PTPRD: variants seen among roughly 807,000 people sequenced by gnomAD.
PTPRD encodes receptor-type tyrosine-protein phosphatase delta.
PTPRD carries 34 observed loss-of-function variants against 214.5 expected under a neutral mutation model. The ratio of observed to expected loss-of-function variants is 0.16; its 90% CI spans 0.12 to 0.21. The LOEUF (loss-of-function observed/expected upper bound fraction) is 0.21. Among genes scored for constraint, PTPRD ranks in the 10% least tolerant of loss-of-function variants. PTPRD has a pLI of 1.00. For missense variants in PTPRD, 2,545 were observed against 2,398.7 expected (o/e 1.06, Z -1.27); for synonymous variants, 1,128 against 845.7 (o/e 1.33, Z -5.79).
chr9:8,817,908 C>T (rs751463848), intron 11 of PTPRD, among the ~76,000 whole-genome samples: 15 of 152,090 alleles, frequency 9.9e-5, no homozygotes, highest in Non-Finnish European at 2.1e-4. Flanking sequence ...AAATTTGGAT[C>T]AAATAAAACT....
intron 9 of PTPRD, among the ~76,000 whole-genome samples, chr9:9,293,648 C>T (rs78592215): frequency 9.2e-5 from 14 of 151,608 alleles, no homozygotes; most frequent in African/African-American, 3.4e-4. Flanking sequence ...ACCCCCTTAT[C>T]CTTCTTCAGG....
At chr9:10,288,944 A>G (rs2095445814) in intron 3 of PTPRD, among the ~76,000 whole-genome samples, 1 of 152,162 alleles carries the variant, frequency 6.6e-6, no homozygotes, top group African/African-American at 2.4e-5. Context: ...ATCGGCATCA[A>G]TAAGGCACTC....
At chr9:8,717,535 C>G (rs534934782) in intron 12 of PTPRD, among the ~76,000 whole-genome samples, 28 of 152,274 alleles carry the variant, frequency 1.8e-4, no homozygotes, top group African/African-American at 6.0e-4. Context: ...ACATAGCTGC[C>G]AGTGACCTAT....
At position 8,757,653 on chromosome 9, in the gene PTPRD, TAC is replaced by T. The variant is rs1565836015; in HGVS notation, c.-103-23709_-103-23708del. The stretch of plus-strand genomic sequence containing the variant: ...ATATATATATATATACATACATATA[TAC>T]ATATATATATACATACATATATATA... On this transcript the variant is annotated intron_variant, in intron 11 of 45. Transcript: ENST00000381196. Among the ~76,000 whole-genome samples, 591 of 140,740 alleles carry T rather than the reference TAC, an allele frequency of 4.2e-3. 5 individuals carry two copies. The highest frequency in any genetic ancestry group is 0.01 in the African/African-American group (353 of 34,738). 92.3% of individuals were successfully genotyped at this position (140,740 alleles called of 152,430 possible). A position where few individuals can be genotyped will look rare whatever the true frequency, so the allele number is the denominator to read the frequency against.
intron 8 of PTPRD, among the ~76,000 whole-genome samples, chr9:9,403,435 C>CT (rs55849224): frequency 3.2e-3 from 476 of 150,702 alleles, no homozygotes; most frequent in Non-Finnish European, 4.6e-3. Flanking sequence ...CTCTCTCTCT[C>CT]CAGGAAGCAA....
Position 9,814,945 on chromosome 9 carries a change from G to A in PTPRD, c.-367-48094C>T, listed in dbSNP as rs372676009. Among the ~76,000 whole-genome samples the A allele has an allele frequency of 4.6e-5, 7 of 151,646 alleles. No individual in the cohort carries two copies. In the East Asian group the frequency reaches 5.8e-4, roughly 13 times the overall value. ...CTCTTGAGTAGCTGGGACTACAGGT[G>A]CACGCCACCACACCTGACTAATTTT... On this transcript the variant is annotated intron_variant, in intron 5 of 45. Transcript: ENST00000381196.
At chr9:9,647,530 C>A (rs2096225989) in intron 7 of PTPRD, among the ~76,000 whole-genome samples, 1 of 152,128 alleles carries the variant, frequency 6.6e-6, no homozygotes, top group Admixed American at 6.5e-5. Context: ...ATATGTATTA[C>A]CTATAAGAGA....
chr9:8,382,643 T>G (rs554556554), intron 37 of PTPRD, among the ~76,000 whole-genome samples: 4 of 152,298 alleles, frequency 2.6e-5, no homozygotes, highest in African/African-American at 9.6e-5. Context: ...ACCAAAAGTG[T>G]AGAACTTTCT....
At chr9:9,391,754 G>A (rs1280897147) in intron 9 of PTPRD, among the ~76,000 whole-genome samples, 1 of 152,128 alleles carries the variant, frequency 6.6e-6, no homozygotes, top group Non-Finnish European at 1.5e-5. Context: ...AACATGGGAG[G>A]TGGGCCCTGC....
intron 7 of PTPRD, among the ~76,000 whole-genome samples, chr9:9,675,256 T>C (rs2096906980): frequency 1.3e-5 from 2 of 151,878 alleles, no homozygotes; most frequent in African/African-American, 4.8e-5. Flanking sequence ...AGTTTTTGTT[T>C]GTATCAAAAT....
intron 6 of PTPRD, among the ~76,000 whole-genome samples, chr9:9,746,822 T>G (rs557625758): frequency 2.6e-5 from 4 of 152,120 alleles, no homozygotes; most frequent in South Asian, 2.1e-4. Context: ...AAAGTTTTTT[T>G]TTTTTTTTTT....
chr9:9,593,017 C>G (rs1368827010), intron 7 of PTPRD, among the ~76,000 whole-genome samples: 1 of 149,674 alleles, frequency 6.7e-6, no homozygotes, highest in African/African-American at 2.5e-5. Flanking sequence ...TGCATTCCAG[C>G]CTGGGTGAGA....
chr9:9,140,440 C>CAGATA (rs2099858241), intron 10 of PTPRD, among the ~76,000 whole-genome samples: 3 of 152,138 alleles, frequency 2.0e-5, no homozygotes, highest in Admixed American at 1.3e-4. Context: ...CAGATATAAC[C>CAGATA]TTTGAAAAAT....
intron 33 of PTPRD, among the ~76,000 whole-genome samples, chr9:8,453,396 C>G (rs1014493631): frequency 2.0e-5 from 3 of 151,820 alleles, no homozygotes; most frequent in Admixed American, 2.0e-4. Context: ...GATCTCCTGA[C>G]CTTGTGATCC....
At chr9:9,983,562 T>C (rs142941911) in intron 4 of PTPRD, among the ~76,000 whole-genome samples, 7 of 152,306 alleles carry the variant, frequency 4.6e-5, no homozygotes, top group African/African-American at 1.7e-4. Context: ...ATAGAGCCAT[T>C]AGGCAGCTAT....
chr9:10,479,662 C>CATAAATACATAAATACAT (rs1296695008), intron 2 of PTPRD, among the ~76,000 whole-genome samples: 1 of 52,596 alleles, frequency 1.9e-5, no homozygotes, highest in Admixed American at 2.7e-4. Flanking sequence ...AATAAATAAA[C>CATAAATACATAAATACAT]AAAAATACAA....
intron 4 of PTPRD, among the ~76,000 whole-genome samples, chr9:9,982,008 G>A (rs2095558647): frequency 6.6e-6 from 1 of 152,156 alleles, no homozygotes; most frequent in Admixed American, 6.5e-5. Context: ...ATCAGTAAAT[G>A]AGCAATGATA....
chr9:10,443,935 C>T (rs924783411), intron 2 of PTPRD, among the ~76,000 whole-genome samples: 2 of 151,410 alleles, frequency 1.3e-5, no homozygotes, highest in African/African-American at 4.8e-5. Flanking sequence ...TTGGTGTCTC[C>T]TATAAGTTGC....
chr9:9,730,539 A>G (rs1461769019), intron 7 of PTPRD, among the ~76,000 whole-genome samples: 3 of 152,158 alleles, frequency 2.0e-5, no homozygotes, highest in Admixed American at 2.0e-4. Flanking sequence ...CTCAATAACT[A>G]TATAAGTACA....
Sources: gnomAD v4.1 joint callset for allele counts (sites outside exome capture counted in the v4.1 genomes callset) on GRCh38, gnomAD v4.1.1 for gene constraint, MANE v1.5 for transcripts, NCBI Gene and HGNC (gene_info 2026-07-23, HGNC 2026-07-21) for gene names.